The following PLA2G4D variants were observed in gnomAD, a reference collection of about 807,000 sequenced individuals.
PLA2G4D encodes phospholipase A2 group IVD.
A neutral mutation model predicts 94.4 loss-of-function variants in PLA2G4D; 80 were observed. The observed-to-expected ratio is 0.85, with a 90% CI of 0.71 to 1.02. The LOEUF (loss-of-function observed/expected upper bound fraction) is 1.02. Among genes scored for constraint, PLA2G4D ranks in the 50% least tolerant of loss-of-function variants. PLA2G4D has a pLI of 0.00. For missense variants in PLA2G4D, 1,050 were observed against 1,034.7 expected (o/e 1.01, Z -0.20); for synonymous variants, 438 against 440.9 (o/e 0.99, Z 0.08).
In PLA2G4D at chr15:42,072,266, G is replaced by A; in HGVS notation, c.1435+9C>T. ...GGAGTATGTGGGAGGGGAGTAGGTA[G>A]AACTGTACCCTTGAAGTCCAGTGTC... On this transcript the variant is annotated intron_variant, in intron 14 of 19. Coordinates refer to ENST00000290472, the MANE Select transcript of PLA2G4D (RefSeq NM_178034.4). 1 of 1,604,742 alleles carries A rather than the reference G, an allele frequency of 6.2e-7. No homozygotes were observed. The highest frequency in any genetic ancestry group is 8.5e-7 in the Non-Finnish European group (1 of 1,171,950).
rs1168720894 is a variant in PLA2G4D, at chr15:42,067,973, C to T, written c.*742G>A. The T allele has an allele frequency of 1.3e-5, 2 of 152,148 alleles. No homozygotes were observed. The highest frequency in any genetic ancestry group is 1.9e-4 in the East Asian group (1 of 5,200). The allele number at this position is 152,148 out of a possible 1,614,324, so 9.4% of individuals were successfully genotyped here. On this transcript the variant is annotated 3_prime_UTR_variant, in exon 20 of 20. Coordinates refer to ENST00000290472, the MANE Select transcript of PLA2G4D (RefSeq NM_178034.4). ...GCAATTGGGAAAAATAAATAAAAGGCATTCAGATCAGACAGGAAGAAGTAA... is the reference window on the plus strand; with the variant it reads ...GCAATTGGGAAAAATAAATAAAAGGTATTCAGATCAGACAGGAAGAAGTAA...
intron 9 of PLA2G4D, 26 bp downstream of exon 9, chr15:42,082,253 T>G (rs1371475857): frequency 6.4e-7 from 1 of 1,564,426 alleles, no homozygotes; most frequent in Admixed American, 1.7e-5. Flanking sequence ...CTTACTGGCA[T>G]TTCCCATCCA....
Position 42,093,506 on chromosome 15 carries a change from C to A in PLA2G4D, c.45+909G>T, listed in dbSNP as rs1057220662. ...CGCCAGCCCCTCCACTGGCCTGCAT[C>A]CGTGGACTCCCCCGCATCCAAATGT... On this transcript the variant is annotated intron_variant, in intron 1 of 19. Transcript: ENST00000290472. Among the ~76,000 whole-genome samples, 67 of 152,190 alleles carry A rather than the reference C, an allele frequency of 4.4e-4. 2 individuals carry two copies. The highest frequency in any genetic ancestry group is 1.5e-5 in the Non-Finnish European group (1 of 68,022).
At chr15:42,074,463 A>C (rs1194688602) in intron 13 of PLA2G4D, among the ~76,000 whole-genome samples, 1 of 152,226 alleles carries the variant, frequency 6.6e-6, no homozygotes, top group Admixed American at 6.5e-5. Flanking sequence ...AGCAGCTTCT[A>C]AGCAGTTCAG....
rs369257424 is a variant in PLA2G4D at position 42,071,265 on chromosome 15, C to G, written c.1734G>C (p.Trp578Cys). Residue 578 changes from tryptophan to cysteine, a missense_variant, in exon 17 of 20, where the codon TGG becomes TGC. Physicochemically the swap from Trp to Cys is radical, Grantham distance 215. Coordinates refer to ENST00000290472, the MANE Select transcript of PLA2G4D (RefSeq NM_178034.4). ...GGGCCAGCGCCGTGCCTGGCTGCAG[C>G]CACGAGGCCTCCAGCCGCGAGGAGG... ...SGTSSRLEASWLQPGTALAQA... is the reference protein window; with the variant it reads ...SGTSSRLEASCLQPGTALAQA... 2.5e-6 allele frequency: 4 copies of G among 1,604,166 alleles called. No individual in the cohort carries two copies. The African/African-American group carries it at 5.4e-5, about 22-fold the overall frequency.
Position 42,079,566 on chromosome 15 carries a change from G to A in PLA2G4D, c.1288C>T (p.Leu430=). The part of the protein sequence containing the change: ...HPTTFVDLWA[L]VLESMLHGQV... ...CCGTGCAGCATGGACTCCAGCACTA[G>A]CGCCCACAGGTCCACAAAGGTCGTG... Residue 430 remains leucine (L), a synonymous_variant, in exon 13 of 20, where the codon CTA becomes TTA. Coordinates refer to ENST00000290472, the MANE Select transcript of PLA2G4D (RefSeq NM_178034.4). The A allele has an allele frequency of 6.2e-7, 1 of 1,607,154 alleles. No individual in the cohort carries two copies. The highest frequency in any genetic ancestry group is 8.5e-7 in the Non-Finnish European group (1 of 1,178,524).
Position 42,094,531 on chromosome 15 carries a change from C to T in PLA2G4D, c.-72G>A, listed in dbSNP as rs1482157152. The T allele has an allele frequency of 1.3e-5, 21 of 1,576,158 alleles. 1 individual carries two copies. In the Admixed American group the frequency reaches 1.9e-4, roughly 14 times the overall value. On this transcript the variant is annotated 5_prime_UTR_variant, in exon 1 of 20. Transcript: ENST00000290472. ...TGGCTCTCTGGCTGAGTGGCAGCGA[C>T]GGTCCCAGTGGGATAGGACCAGCAT...
chr15:42,078,994 T>C (rs1367539148), intron 13 of PLA2G4D, among the ~76,000 whole-genome samples: 1 of 152,224 alleles, frequency 6.6e-6, no homozygotes, highest in East Asian at 1.9e-4. Context: ...ATATAATAGC[T>C]GACATTTAAT....
chr15:42,067,918 A>G lies in PLA2G4D; in HGVS notation c.*797T>C, dbSNP rs777017997. 1.3e-5 allele frequency: 2 copies of G among 152,218 alleles called. No homozygotes were observed. The highest frequency in any genetic ancestry group is 2.9e-5 in the Non-Finnish European group (2 of 68,042). The allele number at this position is 152,218 out of a possible 1,614,324, so 9.4% of individuals were successfully genotyped here. A position where few individuals can be genotyped will look rare whatever the true frequency, so the allele number is the denominator to read the frequency against. On this transcript the variant is annotated 3_prime_UTR_variant, in exon 20 of 20. Transcript: ENST00000290472. ...GAACAAGACAAGATGTCTGCTCTTG[A>G]AACGTGTGTTCATCATTGTACTGCT...
At chr15:42,077,026 T>C (rs1889942211) in intron 13 of PLA2G4D, among the ~76,000 whole-genome samples, 1 of 152,150 alleles carries the variant, frequency 6.6e-6, no homozygotes, top group Non-Finnish European at 1.5e-5. Flanking sequence ...CTACCAAGAT[T>C]GAACCATGAA....
intron 15 of PLA2G4D, 86 bp downstream of exon 15, chr15:42,071,688 T>C: frequency 1.0e-6 from 1 of 964,368 alleles, no homozygotes; most frequent in Non-Finnish European, 1.5e-6. Flanking sequence ...TGTCCTGAGG[T>C]TCTGCCCCAC....
At chr15:42,088,291 G>C (rs1187777142) in intron 1 of PLA2G4D, among the ~76,000 whole-genome samples, 1 of 152,200 alleles carries the variant, frequency 6.6e-6, no homozygotes, top group Non-Finnish European at 1.5e-5. Flanking sequence ...GGGTGCTGTG[G>C]GTGAAAGGCC....
At chr15:42,076,154 C>A (rs913536947) in intron 13 of PLA2G4D, among the ~76,000 whole-genome samples, 1 of 151,980 alleles carries the variant, frequency 6.6e-6, no homozygotes. Flanking sequence ...AATATAAATA[C>A]ATGAAAAATA....
At chr15:42,086,641 G>A (rs112553137) in intron 3 of PLA2G4D, among the ~76,000 whole-genome samples, 4,170 of 151,988 alleles carry the variant, frequency 0.027, 165 homozygotes, top group African/African-American at 0.084. Flanking sequence ...ACCTGATGTC[G>A]AGAGTTCGAG....
chr15:42,071,496 G>T lies in PLA2G4D; in HGVS notation c.1629C>A (p.Thr543=), dbSNP rs761397580. The T allele has an allele frequency of 6.2e-7, 1 of 1,614,018 alleles. No individual in the cohort carries two copies. The highest frequency in any genetic ancestry group is 1.1e-5 in the South Asian group (1 of 91,068). The change falls in exon 16 of 20, where the codon ACC becomes ACA. Residue 543 remains threonine (T), a synonymous_variant. Coordinates refer to ENST00000290472, the MANE Select transcript of PLA2G4D (RefSeq NM_178034.4). ...GCTGTTTCCAGGACTCCCCAGAACT[G>T]GTGAGGTCATACCAGGCATCCAGCA... ...LNLLDAWYDL[T]SSGESWKQHI...
At chr15:42,086,715 G>A (rs940541019) in intron 3 of PLA2G4D, among the ~76,000 whole-genome samples, 2 of 152,066 alleles carry the variant, frequency 1.3e-5, no homozygotes, top group Admixed American at 1.3e-4. Flanking sequence ...ATCTGGACAT[G>A]GTGGTGGGTG....
chr15:42,073,845 C>T (rs185287165), intron 13 of PLA2G4D, among the ~76,000 whole-genome samples: 2 of 152,310 alleles, frequency 1.3e-5, no homozygotes, highest in African/African-American at 4.8e-5. Flanking sequence ...ACTCAACACA[C>T]CCAGTGTGTG....
chr15:42,086,814 T>C (rs1890159497), intron 3 of PLA2G4D, among the ~76,000 whole-genome samples: 1 of 152,188 alleles, frequency 6.6e-6, no homozygotes, highest in African/African-American at 2.4e-5. Flanking sequence ...TTCGCGCCAT[T>C]CAACTCCAAC....
chr15:42,092,510 T>TA (rs1566867142), intron 1 of PLA2G4D, among the ~76,000 whole-genome samples: 3 of 152,242 alleles, frequency 2.0e-5, no homozygotes, highest in Non-Finnish European at 4.4e-5. Flanking sequence ...ACACTTTAAC[T>TA]GATATGAATC....
Sources: gnomAD v4.1 joint callset for allele counts (sites outside exome capture counted in the v4.1 genomes callset) on GRCh38, gnomAD v4.1.1 for gene constraint, MANE v1.5 for transcripts, NCBI Gene and HGNC (gene_info 2026-07-23, HGNC 2026-07-21) for gene names.